CADM2: variants seen among roughly 807,000 people sequenced by gnomAD.
The protein encoded by CADM2 is cell adhesion molecule 2, also known as immunoglobulin superfamily member 4D.
A neutral mutation model predicts 49.8 loss-of-function variants in CADM2; 12 were observed. The observed-to-expected ratio is 0.24, with a 90% CI of 0.15 to 0.39. CADM2 has a LOEUF of 0.39. Among genes scored for constraint, CADM2 ranks in the 10% least tolerant of loss-of-function variants. The probability of loss-of-function intolerance (pLI) is 1.00; values close to 1 mark genes in which losing one functional copy is unlikely to be tolerated. For synonymous variants in CADM2, 214 were observed against 175.4 expected (o/e 1.22, Z -1.74); for missense variants, 378 against 492.3 (o/e 0.77, Z 2.20).
At chr3:85,119,226 A>G (rs2038756845) in intron 1 of CADM2, among the ~76,000 whole-genome samples, 1 of 152,164 alleles carries the variant, frequency 6.6e-6, no homozygotes, top group Non-Finnish European at 1.5e-5. Flanking sequence ...AGCTTGGGCA[A>G]CATGGTGAAA....
chr3:85,791,463 T>G (rs1670023372), intron 2 of CADM2, among the ~76,000 whole-genome samples: 1 of 151,406 alleles, frequency 6.6e-6, no homozygotes, highest in South Asian at 2.1e-4. Flanking sequence ...ACACAGGTTC[T>G]TTGTATAAAT....
chr3:86,008,742 A>G (rs1559797747), intron 8 of CADM2, among the ~76,000 whole-genome samples: 1 of 152,160 alleles, frequency 6.6e-6, no homozygotes, highest in East Asian at 1.9e-4. Flanking sequence ...TGTATTTGAC[A>G]CAGATGAATT....
intron 1 of CADM2, among the ~76,000 whole-genome samples, chr3:85,378,031 T>A (rs2033693194): frequency 6.6e-6 from 1 of 151,552 alleles, no homozygotes; most frequent in South Asian, 2.1e-4. Context: ...TCAGGAATCA[T>A]TTTTTTTGCA....
intron 2 of CADM2, among the ~76,000 whole-genome samples, chr3:85,778,927 T>A (rs949869415): frequency 6.6e-6 from 1 of 152,150 alleles, no homozygotes; most frequent in Non-Finnish European, 1.5e-5. Context: ...CACACAAAGA[T>A]CTATTGGACT....
chr3:85,064,324 T>A (rs1162102600), intron 1 of CADM2, among the ~76,000 whole-genome samples: 1 of 152,104 alleles, frequency 6.6e-6, no homozygotes, highest in Non-Finnish European at 1.5e-5. Flanking sequence ...ACTGGACCAT[T>A]TACATGATTC....
chr3:85,224,927 T>G (rs1339900279), intron 1 of CADM2, among the ~76,000 whole-genome samples: 1 of 152,162 alleles, frequency 6.6e-6, no homozygotes. Flanking sequence ...GTGGTGTTAT[T>G]CCTGAGGCCT....
At chr3:85,348,638 C>T (rs1315862393) in intron 1 of CADM2, among the ~76,000 whole-genome samples, 1 of 152,096 alleles carries the variant, frequency 6.6e-6, no homozygotes, top group African/African-American at 2.4e-5. Context: ...TTTGGGATTG[C>T]TGGTCAAGCA....
chr3:85,823,367 G>C (rs562643428), intron 3 of CADM2, among the ~76,000 whole-genome samples: 5 of 152,082 alleles, frequency 3.3e-5, no homozygotes, highest in Non-Finnish European at 5.9e-5. Flanking sequence ...CTTGGTTTAT[G>C]GTCTATATGA....
chr3:85,000,053 A>G (rs1205254033), intron 1 of CADM2, among the ~76,000 whole-genome samples: 2 of 151,940 alleles, frequency 1.3e-5, no homozygotes, highest in South Asian at 4.1e-4. Context: ...GGGACCTTAC[A>G]AATTTCACAG....
intron 1 of CADM2, among the ~76,000 whole-genome samples, chr3:85,673,048 G>A (rs1242798130): frequency 2.6e-5 from 4 of 152,118 alleles, no homozygotes; most frequent in African/African-American, 4.8e-5. Context: ...GGCTTGCTGG[G>A]ACTAAACTAG....
chr3:85,084,275 A>G (rs2037289197), intron 1 of CADM2, among the ~76,000 whole-genome samples: 1 of 152,192 alleles, frequency 6.6e-6, no homozygotes, highest in Admixed American at 6.6e-5. Flanking sequence ...TTCCCCTTAG[A>G]GTATCTGAAA....
At chr3:85,045,080 T>C (rs2035593919) in intron 1 of CADM2, among the ~76,000 whole-genome samples, 1 of 152,126 alleles carries the variant, frequency 6.6e-6, no homozygotes, top group Admixed American at 6.6e-5. Context: ...CAGAAGCCCA[T>C]TTCTTTATCA....
chr3:85,133,359 G>A (rs892909099), intron 1 of CADM2, among the ~76,000 whole-genome samples: 5 of 152,238 alleles, frequency 3.3e-5, no homozygotes, highest in East Asian at 3.9e-4. Flanking sequence ...TGATTGGTGC[G>A]TTTACAATCC....
At chr3:85,897,755 C>T (rs544869746) in intron 5 of CADM2, among the ~76,000 whole-genome samples, 1 of 152,170 alleles carries the variant, frequency 6.6e-6, no homozygotes, top group South Asian at 2.1e-4. Context: ...ACTCATTTAA[C>T]ATCAGTTGTA....
intron 1 of CADM2, among the ~76,000 whole-genome samples, chr3:85,461,290 G>A (rs1421516648): frequency 2.0e-5 from 3 of 152,068 alleles, no homozygotes; most frequent in Non-Finnish European, 4.4e-5. Context: ...ATCTCTATGA[G>A]ATTTCAGACA....
intron 5 of CADM2, among the ~76,000 whole-genome samples, chr3:85,890,047 C>G (rs1714212278): frequency 6.6e-6 from 1 of 152,096 alleles, no homozygotes; most frequent in Non-Finnish European, 1.5e-5. Context: ...CTCAGTCGAT[C>G]TAGAGGTTTA....
intron 1 of CADM2, among the ~76,000 whole-genome samples, chr3:85,541,500 A>G (rs2061536791): frequency 1.0e-5 from 1 of 100,000 alleles, no homozygotes; most frequent in Non-Finnish European, 2.5e-5. Flanking sequence ...AGATAGGAGA[A>G]CTTATATTAA....
intron 1 of CADM2, among the ~76,000 whole-genome samples, chr3:85,461,244 A>G (rs911741595): frequency 6.6e-6 from 1 of 152,128 alleles, no homozygotes; most frequent in African/African-American, 2.4e-5. Context: ...TCCCCCAGCC[A>G]TCTCAACACC....
At chr3:85,434,039 G>A (rs1425586071) in intron 1 of CADM2, among the ~76,000 whole-genome samples, 4 of 151,990 alleles carry the variant, frequency 2.6e-5, no homozygotes, top group Non-Finnish European at 5.9e-5. Flanking sequence ...AAAACTTACA[G>A]TATGAGTCGA....
Sources: gnomAD v4.1 joint callset for allele counts (sites outside exome capture counted in the v4.1 genomes callset) on GRCh38, gnomAD v4.1.1 for gene constraint, MANE v1.5 for transcripts, NCBI Gene and HGNC (gene_info 2026-07-23, HGNC 2026-07-21) for gene names.